Variants in APC observed in about 807,000 individuals in gnomAD.
The protein encoded by APC is APC regulator of Wnt signaling pathway.
APC carries 72 observed loss-of-function variants against 247.0 expected under a neutral mutation model. The ratio of observed to expected loss-of-function variants is 0.29; its 90% confidence interval spans 0.24 to 0.35. The LOEUF is 0.35. APC is among the 10% of genes least tolerant of loss of function. The probability of loss-of-function intolerance (pLI) is 1.00; values close to 1 mark genes in which losing one functional copy is unlikely to be tolerated. For synonymous variants in APC, 1,254 were observed against 1,162.5 expected, an observed-to-expected ratio of 1.08 and a Z score of -1.60; for missense variants, 3,400 against 3,360.7, an observed-to-expected ratio of 1.01 and a Z score of -0.29.
At chr5:112,833,256 C>T (rs933549640) in intron 14 of APC, among the ~76,000 whole-genome samples, 2 of 150,146 alleles carry the variant, frequency 1.3e-5, no homozygotes, top group Admixed American at 6.7e-5. Context: ...AATCTCGGCT[C>T]ACTGCAACCT....
At chr5:112,737,536 C>G (rs947826190), upstream of APC, among the ~76,000 whole-genome samples, 1 of 152,234 alleles carries the variant, frequency 6.6e-6, no homozygotes, top group African/African-American at 2.4e-5. Context: ...TAATTTATTA[C>G]TCTCCCTCCC....
At position 112,818,844 on chromosome 5, in the gene APC, T is replaced by TGG. The variant is rs1554079914; in HGVS notation, c.934-121_934-120dup. On this transcript the variant is annotated intron_variant, in intron 9 of 15. Coordinates refer to ENST00000257430, the MANE Select transcript of APC (RefSeq NM_000038.6). Reference sequence around the variant, plus strand: ...GTTTTCCGGTTTTTTGTTTTTTTTTTGGCGGGGGGGGTTGTTTTGTTTTTT... The same window carrying TGG: ...GTTTTCCGGTTTTTTGTTTTTTTTTTGGGGCGGGGGGGGTTGTTTTGTTTTTT... The TGG allele has an allele frequency of 5.0e-5, 42 of 842,666 alleles. 3 individuals are homozygous for TGG. Among genetic ancestry groups the TGG allele is most frequent in the Middle Eastern group, 7.5e-4 (2 of 2,680 alleles). 52.2% of individuals were successfully genotyped at this position (842,666 alleles called of 1,614,324 possible).
chr5:112,798,541 A>G (rs1271256068), intron 7 of APC, among the ~76,000 whole-genome samples: 1 of 152,232 alleles, frequency 6.6e-6, no homozygotes, highest in Non-Finnish European at 1.5e-5. Flanking sequence ...GGATTTTGTG[A>G]TATTTAAATA....
chr5:112,819,540 G>C (rs1437881144), intron 10 of APC, among the ~76,000 whole-genome samples, 196 bp downstream of exon 10: 1 of 152,112 alleles, frequency 6.6e-6, no homozygotes, highest in Non-Finnish European at 1.5e-5. Flanking sequence ...AATGTTATGT[G>C]CACTACTATA....
chr5:112,817,588 A>G (rs549500551), intron 9 of APC, among the ~76,000 whole-genome samples: 54 of 152,358 alleles, frequency 3.5e-4, no homozygotes, highest in Middle Eastern at 3.4e-3. Flanking sequence ...AGTTTTTACT[A>G]TAAAGAAAAT....
At chr5:112,787,235 A>G (rs1759064830) in intron 6 of APC, among the ~76,000 whole-genome samples, 1 of 152,120 alleles carries the variant, frequency 6.6e-6, no homozygotes, top group South Asian at 2.1e-4. Context: ...ATTTATGAAC[A>G]CAAATGGGCA....
At chr5:112,722,913 G>A (rs1751563084) in intron 1 of APC, among the ~76,000 whole-genome samples, 1 of 152,096 alleles carries the variant, frequency 6.6e-6, no homozygotes, top group South Asian at 2.1e-4. Context: ...ATGTAGAAAT[G>A]TGTTTGGACA....
chr5:112,759,356 C>CTTTTT (rs887438895), intron 2 of APC, among the ~76,000 whole-genome samples: 328 of 122,272 alleles, frequency 2.7e-3, no homozygotes, highest in African/African-American at 4.6e-3. Flanking sequence ...TTCTTTCTTT[C>CTTTTT]TTTTTTTTTT....
At chr5:112,732,371 G>A (rs1023875307) in intron 1 of APC, among the ~76,000 whole-genome samples, 7 of 152,180 alleles carry the variant, frequency 4.6e-5, no homozygotes, top group Admixed American at 4.6e-4. Flanking sequence ...GCTCCTCGGA[G>A]TACTAAAGGG....
chr5:112,753,419 T>A (rs1035717859), intron 1 of APC, among the ~76,000 whole-genome samples: 1 of 152,214 alleles, frequency 6.6e-6, no homozygotes, highest in South Asian at 2.1e-4. Flanking sequence ...ATTTTTAGCA[T>A]ACCTTTTTTT....
intron 4 of APC, 113 bp downstream of exon 4, chr5:112,767,503 A>C (rs1391653440): frequency 1.2e-6 from 1 of 842,760 alleles, no homozygotes; most frequent in Non-Finnish European, 1.8e-6. Context: ...CACTTAGAGC[A>C]TTTTGCATTT....
chr5:112,794,530 A>G (rs1207688577), intron 7 of APC, among the ~76,000 whole-genome samples: 1 of 152,202 alleles, frequency 6.6e-6, no homozygotes, highest in Admixed American at 6.5e-5. Context: ...GTCAGTCACA[A>G]GACTGTCCAC....
Position 112,707,772 on chromosome 5 carries a change from C to T in APC, c.55C>T (p.Pro19Ser), listed in dbSNP as rs2149630726. 2.9e-6 allele frequency: 4 copies of T among 1,370,642 alleles called. No homozygotes were observed. Among genetic ancestry groups the T allele is most frequent in the Non-Finnish European group, 3.9e-6 (4 of 1,038,778 alleles). The allele number at this position is 1,370,642 out of a possible 1,614,324, so 84.9% of individuals were successfully genotyped here. ...CGCCCCTTTGCCCGCTTCTGTACCACCCTCAGTTCTCGGGTCCTGGAGCAC... is the reference window on the plus strand; with the variant it reads ...CGCCCCTTTGCCCGCTTCTGTACCATCCTCAGTTCTCGGGTCCTGGAGCAC... The change falls in exon 1 of 14, where the codon CCC becomes TCC. Residue 19 changes from proline (P) to serine (S), a missense_variant. By Grantham distance (74) the Pro-to-Ser change is moderately conservative. Coordinates refer to the APC transcript ENST00000507379.
At position 112,839,244 on chromosome 5, in the gene APC, A is replaced by C. The variant is rs138933660; in HGVS notation, c.3650A>C (p.Asn1217Thr). ...GAACATATGTCTTCAAGCAGTGAGA[A>C]TACGTCCACACCTTCATCTAATGCC... ...KTEHMSSSSENTSTPSSNAKR... is the reference protein window; with the variant it reads ...KTEHMSSSSETTSTPSSNAKR... The change falls in exon 16 of 16, where the codon AAT becomes ACT. Residue 1217 changes from asparagine to threonine, a missense_variant. Around this residue, in one of 9 missense-constraint regions of APC, gnomAD observed 715 missense variants for 656.6 expected, o/e 1.09. Coordinates refer to ENST00000257430, the MANE Select transcript of APC (RefSeq NM_000038.6). The surrounding 1 kb of genome is among the most constrained non-coding windows in gnomAD (Gnocchi z 5.0). 7.6e-5 allele frequency: 123 copies of C among 1,614,176 alleles called. No individual in the cohort carries two copies. The African/African-American group carries it at 1.5e-3, about 19-fold the overall frequency.
chr5:112,740,144 A>G (rs941783234), intron 1 of APC, among the ~76,000 whole-genome samples: 1 of 152,206 alleles, frequency 6.6e-6, no homozygotes, highest in Admixed American at 6.5e-5. Context: ...TTGGTTGTGG[A>G]TTTTTATCTA....
chr5:112,814,907 T>TA (rs567182668), intron 8 of APC, among the ~76,000 whole-genome samples: 221 of 152,370 alleles, frequency 1.5e-3, no homozygotes, highest in Non-Finnish European at 2.4e-3. Context: ...CCTTAAATGT[T>TA]ACTGATTTTA....
intron 2 of APC, among the ~76,000 whole-genome samples, chr5:112,765,939 T>C (rs547309920): frequency 1.3e-5 from 2 of 152,302 alleles, no homozygotes; most frequent in African/African-American, 2.4e-5. Flanking sequence ...TTTATGGTCA[T>C]GTTGGTGCAC....
intron 1 of APC, 53 bp downstream of exon 1, chr5:112,737,978 T>A: frequency 2.1e-6 from 2 of 948,950 alleles, no homozygotes; most frequent in Non-Finnish European, 2.5e-6. Context: ...GGGGGGAAGG[T>A]GGTTTTCCCT....
At chr5:112,835,880 A>G (rs968647761) in intron 15 of APC, among the ~76,000 whole-genome samples, 5 of 151,568 alleles carry the variant, frequency 3.3e-5, no homozygotes, top group Admixed American at 1.3e-4. Context: ...GCCAATAATC[A>G]TAATATTATT....
Sources: allele counts gnomAD v4.1 joint callset (sites outside exome capture counted in the v4.1 genomes callset), GRCh38; gene constraint gnomAD v4.1.1; regional missense constraint gnomAD v4.1.1; non-coding constraint Gnocchi (gnomAD v3.1); transcripts MANE v1.5; gene names NCBI Gene and HGNC (gene_info 2026-07-23, HGNC 2026-07-21).